CHN1: variants seen among roughly 807,000 people sequenced by gnomAD.
CHN1 encodes the protein chimerin 1, also known as N-chimaerin.
CHN1 carries 37 observed loss-of-function variants against 59.5 expected under a neutral mutation model. That is an observed-to-expected ratio of 0.62 (90% CI 0.48 to 0.82). The LOEUF is 0.82. Among genes scored for constraint, CHN1 ranks in the 40% least tolerant of loss-of-function variants. The probability of loss-of-function intolerance (pLI) is 0.00; values close to 1 mark genes in which losing one functional copy is unlikely to be tolerated. For missense variants in CHN1, 469 were observed against 571.0 expected (o/e 0.82, Z 1.82); for synonymous variants, 206 against 200.4 (o/e 1.03, Z -0.24).
At chr2:174,894,364 G>A (rs1688144554) in intron 5 of CHN1, among the ~76,000 whole-genome samples, 2 of 152,068 alleles carry the variant, frequency 1.3e-5, no homozygotes, top group South Asian at 4.1e-4. Flanking sequence ...ACAAGCATAT[G>A]AAAAGATGTC....
chr2:174,874,918 G>C (rs1687519952), intron 6 of CHN1, among the ~76,000 whole-genome samples: 1 of 130,510 alleles, frequency 7.7e-6, no homozygotes, highest in South Asian at 2.3e-4. Context: ...TTGTTGCCCA[G>C]GCTGGTGTGC....
chr2:174,958,136 A>G (rs750068950), intron 1 of CHN1, among the ~76,000 whole-genome samples: 7 of 136,422 alleles, frequency 5.1e-5, no homozygotes, highest in Non-Finnish European at 1.1e-4. Context: ...AAAGGGAGGG[A>G]AGGGAGGAAG....
chr2:174,967,544 A>AGC (rs1473906200), intron 1 of CHN1, among the ~76,000 whole-genome samples: 4 of 150,890 alleles, frequency 2.7e-5, no homozygotes, highest in Non-Finnish European at 5.9e-5. Flanking sequence ...TCAACAACTT[A>AGC]GACTTTTAAC....
At chr2:174,885,440 C>T (rs1322338736) in intron 5 of CHN1, among the ~76,000 whole-genome samples, 1 of 151,642 alleles carries the variant, frequency 6.6e-6, no homozygotes, top group East Asian at 1.9e-4. Context: ...AGTGTGATGA[C>T]CTATATAATA....
In CHN1 at chr2:175,005,095, T is replaced by C; in HGVS notation, c.-183A>G. The C allele has an allele frequency of 1.5e-6, 2 of 1,331,796 alleles. No homozygotes were observed. The highest frequency in any genetic ancestry group is 1.9e-6 in the Non-Finnish European group (2 of 1,040,132). The allele number at this position is 1,331,796 out of a possible 1,614,324, so 82.5% of individuals were successfully genotyped here. A position where few individuals can be genotyped will look rare whatever the true frequency, so the allele number is the denominator to read the frequency against. Reference sequence around the variant, plus strand: ...GCGGGGGACCGCTGCAAGAAAAAGTTATTCACGCGTTATTGTCGGGCGCAC... The same window carrying C: ...GCGGGGGACCGCTGCAAGAAAAAGTCATTCACGCGTTATTGTCGGGCGCAC... On this transcript the variant is annotated 5_prime_UTR_variant, in exon 1 of 13. The change creates a new upstream start codon in the 5' untranslated region. Transcript: ENST00000409900.
chr2:174,860,590 T>C (rs1246401664), intron 6 of CHN1, among the ~76,000 whole-genome samples: 1 of 152,178 alleles, frequency 6.6e-6, no homozygotes, highest in Non-Finnish European at 1.5e-5. Flanking sequence ...CTAATGAAAC[T>C]GTAGCTTCAT....
intron 7 of CHN1, among the ~76,000 whole-genome samples, chr2:174,829,561 A>G (rs1311069484): frequency 6.6e-6 from 1 of 152,248 alleles, no homozygotes; most frequent in Non-Finnish European, 1.5e-5. Context: ...AAAATTCACC[A>G]TTAATCTTCA....
At chr2:174,835,939 C>A (rs1032202388) in intron 7 of CHN1, among the ~76,000 whole-genome samples, 2 of 152,010 alleles carry the variant, frequency 1.3e-5, no homozygotes, top group African/African-American at 4.8e-5. Flanking sequence ...TGGTGGTTTC[C>A]CAATAGTTTC....
At chr2:174,847,520 T>C (rs545919613) in intron 6 of CHN1, 1 of 1,224,738 alleles carries the variant, frequency 8.2e-7, no homozygotes, top group African/African-American at 1.5e-5. Context: ...GATATTAATG[T>C]CCATTCTGAA....
At chr2:174,944,774 A>G in intron 3 of CHN1, 114 bp downstream of exon 3, 2 of 641,732 alleles carry the variant, frequency 3.1e-6, no homozygotes, top group Non-Finnish European at 5.4e-6. Flanking sequence ...ATTTTATCAT[A>G]TCGATTAGTG....
intron 7 of CHN1, among the ~76,000 whole-genome samples, chr2:174,837,490 T>G (rs1299647329): frequency 6.6e-6 from 1 of 152,216 alleles, no homozygotes; most frequent in Non-Finnish European, 1.5e-5. Context: ...AAAATAGATG[T>G]GTTCTTTTAA....
At chr2:174,958,093 T>G (rs1690271420) in intron 1 of CHN1, among the ~76,000 whole-genome samples, 1 of 141,584 alleles carries the variant, frequency 7.1e-6, no homozygotes, top group Non-Finnish European at 1.5e-5. Context: ...AGCCCAGGAG[T>G]TCAAGATCAG....
At chr2:174,815,224 A>T (rs1026642668) in intron 8 of CHN1, among the ~76,000 whole-genome samples, 1 of 152,078 alleles carries the variant, frequency 6.6e-6, no homozygotes, top group African/African-American at 2.4e-5. Flanking sequence ...AAAAATTTTT[A>T]AAAATTGGTG....
chr2:174,800,965 G>A (rs968870375), intron 12 of CHN1, among the ~76,000 whole-genome samples: 15 of 152,218 alleles, frequency 9.9e-5, no homozygotes, highest in African/African-American at 3.4e-4. Flanking sequence ...AAACATTCAT[G>A]AGTGACTAAA....
intron 7 of CHN1, among the ~76,000 whole-genome samples, chr2:174,845,213 T>C (rs779354041): frequency 1.3e-5 from 2 of 152,200 alleles, no homozygotes; most frequent in East Asian, 1.9e-4. Flanking sequence ...AGCACTCAAA[T>C]GGCATTCTTA....
intron 5 of CHN1, among the ~76,000 whole-genome samples, chr2:174,893,145 A>G (rs1270622653): frequency 2.6e-5 from 4 of 152,226 alleles, no homozygotes; most frequent in Non-Finnish European, 5.9e-5. Flanking sequence ...AAAAGAAATT[A>G]AAAGCATCCA....
In CHN1 at chr2:174,799,434, G is replaced by T; in HGVS notation, c.*682C>A. On this transcript the variant is annotated 3_prime_UTR_variant, in exon 13 of 13. Coordinates refer to ENST00000409900, the MANE Select transcript of CHN1 (RefSeq NM_001822.7). ...AAGCCAATTTAATAAATTAATAAAC[G>T]CATGCCAGAAAAAATACCAAATTAC... 2.2e-6 allele frequency: 1 copy of T among 456,610 alleles called. No individual in the cohort carries two copies. The highest frequency in any genetic ancestry group is 4.2e-6 in the Non-Finnish European group (1 of 238,748). 28.3% of individuals were successfully genotyped at this position (456,610 alleles called of 1,614,324 possible).
At chr2:174,870,017 T>C (rs1273438544) in intron 6 of CHN1, among the ~76,000 whole-genome samples, 1 of 152,162 alleles carries the variant, frequency 6.6e-6, no homozygotes, top group African/African-American at 2.4e-5. Flanking sequence ...GATGAAGTAA[T>C]GTAGATATTA....
At position 174,799,141 on chromosome 2, in the gene CHN1, T is replaced by C. The variant is rs983062706; in HGVS notation, c.*975A>G. 9.8e-5 allele frequency among the ~76,000 whole-genome samples: 15 copies of C among 152,370 alleles called. No homozygotes were observed. The highest frequency in any genetic ancestry group is 3.6e-4 in the African/African-American group (15 of 41,584). On this transcript the variant is annotated 3_prime_UTR_variant, in exon 13 of 13. Coordinates refer to ENST00000409900, the MANE Select transcript of CHN1 (RefSeq NM_001822.7). Reference sequence around the variant, plus strand: ...CTCTTTCTTCTTCTGAGAGCTCTGGTAGGAACTCCTGCCCAACCTCTCATT... The same window carrying C: ...CTCTTTCTTCTTCTGAGAGCTCTGGCAGGAACTCCTGCCCAACCTCTCATT...
Sources: gnomAD v4.1 joint callset for allele counts (sites outside exome capture counted in the v4.1 genomes callset) on GRCh38, gnomAD v4.1.1 for gene constraint, MANE v1.5 for transcripts, NCBI Gene and HGNC (gene_info 2026-07-23, HGNC 2026-07-21) for gene names.